DST: variants seen among roughly 807,000 people sequenced by gnomAD.
The protein encoded by DST is dystonin, also known as bullous pemphigoid antigen.
A neutral mutation model predicts 875.2 loss-of-function variants in DST; 253 were observed. That is an observed-to-expected ratio of 0.29 (90% CI 0.26 to 0.32). The LOEUF (loss-of-function observed/expected upper bound fraction) is 0.32. Among genes scored for constraint, DST ranks in the 10% least tolerant of loss-of-function variants. The pLI is 1.00. For missense variants in DST, 8,287 were observed against 9,111.6 expected (o/e 0.91, Z 3.68); for synonymous variants, 3,124 against 3,197.1 (o/e 0.98, Z 0.77).
At position 56,670,021 on chromosome 6, in the gene DST, A is replaced by G. The variant is rs201876198; in HGVS notation, c.1214+620T>C. On this transcript the variant is annotated intron_variant, in intron 10 of 103. Transcript: ENST00000680361. The stretch of plus-strand genomic sequence containing the variant: ...CTTGTGGGCTACAAGTCCAAACTAA[A>G]CTCTAACCTTCAAACTCAGCAGTTC... Among the ~76,000 whole-genome samples, 6 of 152,042 alleles carry G rather than the reference A, an allele frequency of 3.9e-5. No individual in the cohort carries two copies. In the East Asian group the frequency reaches 1.2e-3, roughly 29 times the overall value.
At chr6:56,943,081 TTAAACAGATTAC>T (rs1717646518) in intron 2 of DST, among the ~76,000 whole-genome samples, 1 of 152,144 alleles carries the variant, frequency 6.6e-6, no homozygotes, top group Non-Finnish European at 1.5e-5. Flanking sequence ...TCAAAATCAG[TTAAACAGATTAC>T]CAAAGCACAG....
At chr6:56,562,312 C>T in intron 55 of DST, 112 bp from the exon 56 acceptor site, 1 of 452,436 alleles carries the variant, frequency 2.2e-6, no homozygotes, top group Middle Eastern at 4.4e-4. Context: ...AAAACACTGA[C>T]TCAACTTCAA....
chr6:56,632,081 T>C (rs1393635104), intron 28 of DST, 41 bp from the exon 29 acceptor site: 3 of 1,508,584 alleles, frequency 2.0e-6, no homozygotes, highest in African/African-American at 1.4e-5. Context: ...TTGTTTTCTA[T>C]CTCTTAGAAG....
At chr6:56,620,436 G>A (rs775267579) in intron 36 of DST, 4 of 1,614,132 alleles carry the variant, frequency 2.5e-6, no homozygotes, top group South Asian at 1.1e-5. Context: ...ATGGTTTCAA[G>A]TTCCCTGCGG....
Position 56,482,052 on chromosome 6 carries a change from T to C in DST, c.21529A>G (p.Lys7177Glu), listed in dbSNP as rs542330527. 32 of 1,613,482 alleles carry C rather than the reference T, an allele frequency of 2.0e-5. No homozygotes were observed. The highest frequency in any genetic ancestry group is 2.5e-5 in the Non-Finnish European group (29 of 1,179,726). ...CATAGCATTTATATATTACTCACTT[T>C]ATGCTGATCAATGAGAGTCCGGAGA... ...DALRTLIDQHKEFMKKLEEKR... is the reference protein window; with the variant it reads ...DALRTLIDQHEEFMKKLEEKR... The change falls in exon 90 of 104, where the codon AAA (lysine) becomes GAA (glutamate). Residue 7177 changes from lysine (K) to glutamate (E), a missense_variant and splice_region_variant. Lys to Glu is a moderately conservative substitution (Grantham distance 56, BLOSUM62 1). Around this residue, in one of 10 missense-constraint regions of DST, gnomAD observed 1,292 missense variants for 1,552.7 expected, o/e 0.83. Transcript: ENST00000680361.
chr6:56,570,362 G>T (rs1438488764), intron 53 of DST, among the ~76,000 whole-genome samples: 1 of 152,040 alleles, frequency 6.6e-6, no homozygotes, highest in African/African-American at 2.4e-5. Context: ...AGAATCAATG[G>T]GAGCCTGAGC....
chr6:56,799,792 T>G (rs2099744629), intron 4 of DST, among the ~76,000 whole-genome samples: 1 of 151,970 alleles, frequency 6.6e-6, no homozygotes, highest in Non-Finnish European at 1.5e-5. Context: ...CAGCTAATTT[T>G]TGTATTTTTT....
rs1379718904 is a variant in DST, at chr6:56,714,446, A to C, written c.688-10077T>G. 6.6e-6 allele frequency among the ~76,000 whole-genome samples: 1 copy of C among 152,194 alleles called. No homozygotes were observed. The highest frequency in any genetic ancestry group is 2.4e-5 in the African/African-American group (1 of 41,448). On this transcript the variant is annotated intron_variant, in intron 5 of 103. Transcript: ENST00000680361. This position sits in a 1 kb window ranked among gnomAD's most constrained non-coding sequence, Gnocchi z 4.5. ...CAGATGCTTAAAAACTAGTTTTCCC[A>C]GTTGTAAAAGCCCAGTGTCACAGAA...
intron 49 of DST, among the ~76,000 whole-genome samples, chr6:56,587,844 T>C (rs1360549711): frequency 3.9e-5 from 6 of 151,984 alleles, no homozygotes; most frequent in Non-Finnish European, 8.8e-5. Flanking sequence ...TAAAATACTT[T>C]ACAGACAAGC....
intron 4 of DST, among the ~76,000 whole-genome samples, chr6:56,744,448 C>A (rs1001670469): frequency 6.6e-6 from 1 of 151,728 alleles, no homozygotes; most frequent in African/African-American, 2.4e-5. Context: ...AGAAAGGACG[C>A]TAGTCAGTTT....
In DST at chr6:56,615,838, A is replaced by C. The variant is rs202229586; in HGVS notation, c.4930-1354T>G. 1 of 1,614,036 alleles carries C rather than the reference A, an allele frequency of 6.2e-7. No homozygotes were observed. The highest frequency in any genetic ancestry group is 1.3e-5 in the African/African-American group (1 of 74,914). On this transcript the variant is annotated intron_variant, in intron 36 of 103. Transcript: ENST00000680361. ...CCATTTCCTTATTTATAATATTTGC[A>C]TTCACAGCTTCCACCACTGACATCA...
chr6:56,685,664 C>T lies in DST; in HGVS notation c.1047+13989G>A, dbSNP rs147863988. Among the ~76,000 whole-genome samples the T allele has an allele frequency of 9.7e-3, 1,475 of 152,070 alleles. 22 individuals carry two copies. The highest frequency in any genetic ancestry group is 0.033 in the African/African-American group (1,381 of 41,482). ...GTGGATGTCTGTAATCCCAGCTACT[C>T]GTGAGGCTGAGGCAGGAGAATCACT... On this transcript the variant is annotated intron_variant, in intron 9 of 103. Transcript: ENST00000680361.
chr6:56,545,166 C>T lies in DST; in HGVS notation c.16608+7018G>A, dbSNP rs548809879. Among the ~76,000 whole-genome samples, 5 of 151,910 alleles carry T rather than the reference C, an allele frequency of 3.3e-5. No individual in the cohort carries two copies. In the East Asian group the frequency reaches 9.7e-4, roughly 29 times the overall value. ...TACAGATGCGCACCACTACACCTGG[C>T]TAATTTTAAAAATTTTTTGTGGAGA... On this transcript the variant is annotated intron_variant, in intron 61 of 103. Transcript: ENST00000680361.
chr6:56,873,841 A>G lies in DST; in HGVS notation c.418-22237T>C, dbSNP rs554859502. ...TTAATACTTTATTGTATAGCTCTAA[A>G]TAACTAGAAGAGGTTTGGAATGTCT... On this transcript the variant is annotated intron_variant, in intron 3 of 103. Transcript: ENST00000680361. Among the ~76,000 whole-genome samples, 40 of 152,344 alleles carry G rather than the reference A, an allele frequency of 2.6e-4. 1 individual carries two copies. The highest frequency in any genetic ancestry group is 3.4e-3 in the Middle Eastern group (1 of 294).
At chr6:56,611,126 G>A (rs1192826148) in intron 38 of DST, among the ~76,000 whole-genome samples, 1 of 152,042 alleles carries the variant, frequency 6.6e-6, no homozygotes, top group Non-Finnish European at 1.5e-5. Flanking sequence ...GAGAAACGAG[G>A]CTGCCATAGG....
Position 56,634,163 on chromosome 6 carries a change from A to G in DST, c.3590T>C (p.Ile1197Thr), listed in dbSNP as rs774485860. Residue 1197 changes from isoleucine to threonine, a missense_variant, in exon 27 of 104, where the codon ATT becomes ACT. Around this residue, in one of 10 missense-constraint regions of DST, gnomAD observed 3,138 missense variants for 3,116.6 expected, o/e 1.01. Transcript: ENST00000680361. The stretch of plus-strand genomic sequence containing the variant: ...CACATTGCTAGCTCGAATTCTATCA[A>G]TTTCATTGATGAGATAATGCCAGGA... ...VVSWHYLINEIDRIRASNVAS... is the reference protein window; with the variant it reads ...VVSWHYLINETDRIRASNVAS... 16 of 1,613,416 alleles carry G rather than the reference A, an allele frequency of 9.9e-6. No homozygotes were observed. Among genetic ancestry groups the G allele is most frequent in the Non-Finnish European group, 1.2e-5 (14 of 1,180,000 alleles).
intron 4 of DST, among the ~76,000 whole-genome samples, chr6:56,848,105 A>G (rs1298973711): frequency 2.0e-5 from 3 of 152,220 alleles, no homozygotes; most frequent in South Asian, 2.1e-4. Context: ...CTACTCTGCT[A>G]TGGAATATTA....
chr6:56,900,692 T>G, intron 2 of DST, 71 bp from the exon 3 acceptor site: 1 of 1,188,358 alleles, frequency 8.4e-7, no homozygotes, highest in Non-Finnish European at 1.1e-6. Context: ...CCATGGCTAG[T>G]TATACAAAGA....
Position 56,594,164 on chromosome 6 carries a change from G to A in DST, c.12225C>T (p.His4075=). Residue 4075 remains histidine (H), a synonymous_variant, in exon 48 of 104, where the codon CAC becomes CAT. Coordinates refer to ENST00000680361, the MANE Select transcript of DST (RefSeq NM_001374736.1). ...KAQHEKIISQ[H]QAVIIATQSA... Reference sequence around the variant, plus strand: ...ACTGAGTGGCTATGATCACTGCTTGGTGCTGAGAGATGATCTTCTCGTGTT... The same window carrying A: ...ACTGAGTGGCTATGATCACTGCTTGATGCTGAGAGATGATCTTCTCGTGTT... 1 of 1,544,624 alleles carries A rather than the reference G, an allele frequency of 6.5e-7. No individual in the cohort carries two copies. The highest frequency in any genetic ancestry group is 8.7e-7 in the Non-Finnish European group (1 of 1,151,358).
Sources: gnomAD v4.1 joint callset for allele counts (sites outside exome capture counted in the v4.1 genomes callset) on GRCh38, gnomAD v4.1.1 for gene constraint, gnomAD v4.1.1 regional missense constraint, Gnocchi (gnomAD v3.1) non-coding constraint, MANE v1.5 for transcripts, NCBI Gene and HGNC (gene_info 2026-07-23, HGNC 2026-07-21) for gene names.